CC2D2A: variants seen among roughly 807,000 people sequenced by gnomAD.
The protein encoded by CC2D2A is coiled-coil and C2 domain-containing protein 2A.
In CC2D2A, 155 loss-of-function variants were observed where a neutral mutation model predicts 212.9. That is an observed-to-expected ratio of 0.73 (90% CI 0.64 to 0.83). CC2D2A has a LOEUF of 0.83. Ranked by LOEUF, CC2D2A falls within the 40% of genes least tolerant of loss-of-function variation. The pLI is 0.00. For synonymous variants in CC2D2A, 667 were observed against 686.5 expected (o/e 0.97, Z 0.44); for missense variants, 1,856 against 1,956.2 (o/e 0.95, Z 0.97).
intron 4 of CC2D2A, among the ~76,000 whole-genome samples, chr4:15,484,275 A>T (rs1248059155): frequency 6.6e-6 from 1 of 152,232 alleles, no homozygotes; most frequent in African/African-American, 2.4e-5. Context: ...TGCTTGCGAC[A>T]TTAAGCAACA....
chr4:15,569,225 G>C, intron 26 of CC2D2A, 68 bp from the exon 27 acceptor site: 1 of 835,422 alleles, frequency 1.2e-6, no homozygotes, highest in Non-Finnish European at 2.0e-6. Flanking sequence ...TTCAAATGCT[G>C]ACATTTGAAT....
chr4:15,501,972 A>G (rs1167316721), intron 4 of CC2D2A, among the ~76,000 whole-genome samples: 1 of 152,186 alleles, frequency 6.6e-6, no homozygotes, highest in Non-Finnish European at 1.5e-5. Context: ...TGTTTCTCTG[A>G]TCAAAGATAT....
At chr4:15,506,556 A>G (rs896942691) in intron 6 of CC2D2A, among the ~76,000 whole-genome samples, 1 of 152,118 alleles carries the variant, frequency 6.6e-6, no homozygotes, top group African/African-American at 2.4e-5. Flanking sequence ...TACACAGCCA[A>G]GTTTCTCTCT....
Position 15,540,788 on chromosome 4 carries a change from T to A in CC2D2A, c.2004-49T>A, listed in dbSNP as rs146606892. 3.6e-4 allele frequency: 532 copies of A among 1,498,522 alleles called. 1 individual carries two copies. In the African/African-American group the frequency reaches 6.1e-3, roughly 17 times the overall value. 92.8% of individuals were successfully genotyped at this position (1,498,522 alleles called of 1,614,324 possible). Reference sequence around the variant, plus strand: ...TCTTATTTATCATATATTTTGGTGATCTTAGTAAATTATTACTAACTCCAC... The same window carrying A: ...TCTTATTTATCATATATTTTGGTGAACTTAGTAAATTATTACTAACTCCAC... On this transcript the variant is annotated intron_variant, in intron 16 of 36. Transcript: ENST00000424120.
intron 26 of CC2D2A, among the ~76,000 whole-genome samples, chr4:15,568,510 C>T (rs574277833): frequency 1.6e-4 from 24 of 152,182 alleles, no homozygotes; most frequent in African/African-American, 5.8e-4. Flanking sequence ...ATTACTTGAA[C>T]CCGGGAGGTG....
At chr4:15,572,354 T>C (rs1399931295) in intron 28 of CC2D2A, among the ~76,000 whole-genome samples, 1 of 152,160 alleles carries the variant, frequency 6.6e-6, no homozygotes, top group African/African-American at 2.4e-5. Context: ...GCCTGGGAAA[T>C]GAGGTTGGTA....
chr4:15,582,437 TAAAC>T (rs1162806330), intron 30 of CC2D2A, among the ~76,000 whole-genome samples: 4 of 151,444 alleles, frequency 2.6e-5, no homozygotes, highest in Non-Finnish European at 5.9e-5. Context: ...TTAGAAAAGA[TAAAC>T]AAAATCAACA....
chr4:15,489,293 C>T (rs929925974), intron 4 of CC2D2A, among the ~76,000 whole-genome samples: 1 of 152,086 alleles, frequency 6.6e-6, no homozygotes, highest in Non-Finnish European at 1.5e-5. Flanking sequence ...TTATAAAGCA[C>T]AGCATGAGAC....
chr4:15,529,255 G>A (rs1717682354), intron 13 of CC2D2A, among the ~76,000 whole-genome samples: 1 of 152,082 alleles, frequency 6.6e-6, no homozygotes, highest in South Asian at 2.1e-4. Flanking sequence ...AGTAGTATGT[G>A]CATGTAGTCC....
intron 30 of CC2D2A, among the ~76,000 whole-genome samples, chr4:15,582,813 AAAG>A (rs1236322905): frequency 6.6e-6 from 1 of 152,152 alleles, no homozygotes; most frequent in Non-Finnish European, 1.5e-5. Context: ...AAAAAAAATT[AAAG>A]AAGAGGGAAC....
chr4:15,559,840 G>T (rs1719482307), intron 22 of CC2D2A, among the ~76,000 whole-genome samples: 1 of 151,708 alleles, frequency 6.6e-6, no homozygotes, highest in Non-Finnish European at 1.5e-5. Context: ...TTATATATTT[G>T]AGACAGGGGG....
chr4:15,577,524 A>C (rs1301400743), intron 29 of CC2D2A, among the ~76,000 whole-genome samples: 1 of 152,086 alleles, frequency 6.6e-6, no homozygotes, highest in Non-Finnish European at 1.5e-5. Context: ...ACTAATCCTT[A>C]AATTCCTGTT....
chr4:15,533,274 G>A lies in CC2D2A; in HGVS notation c.1548G>A (p.Met516Ile). The change falls in exon 14 of 37, where the codon ATG becomes ATA. Residue 516 changes from methionine (M) to isoleucine (I), a missense_variant. Around this residue, in one of 5 missense-constraint regions of CC2D2A, gnomAD observed 1,512 missense variants for 1,579.3 expected, o/e 0.96. Transcript: ENST00000424120. The part of the protein sequence containing the change: ...LKTIIKVWKE[M>I]KSLREFQRFT... The stretch of plus-strand genomic sequence containing the variant: ...CTATCATAAAAGTTTGGAAAGAGAT[G>A]AAATCCCTTCGAGAGTTCCAGAGAT... 2 of 1,600,202 alleles carry A rather than the reference G, an allele frequency of 1.2e-6. No individual in the cohort carries two copies. The highest frequency in any genetic ancestry group is 8.5e-7 in the Non-Finnish European group (1 of 1,174,622).
chr4:15,538,484 C>A (rs1718257197), intron 16 of CC2D2A, among the ~76,000 whole-genome samples: 1 of 152,242 alleles, frequency 6.6e-6, no homozygotes. Flanking sequence ...TATCTGTAAC[C>A]TCAATGAGTC....
rs1366543476 is a variant in CC2D2A, at chr4:15,563,419, G to T, written c.3079G>T (p.Gly1027Cys). The T allele has an allele frequency of 2.5e-6, 4 of 1,610,062 alleles. No homozygotes were observed. Among genetic ancestry groups the T allele is most frequent in the Non-Finnish European group, 3.4e-6 (4 of 1,178,160 alleles). ...GCGACCACTGCGGCCAAGGAGAAAA[G>T]GTCGGAAGAAGGTGACAGCCCAAAA... The part of the protein sequence containing the change: ...QKRPLRPRRK[G>C]RKKVTAQNLS... The change falls in exon 24 of 37, where the codon GGT (glycine) becomes TGT (cysteine). Residue 1027 changes from glycine (G) to cysteine (C), a missense_variant. Around this residue, in one of 5 missense-constraint regions of CC2D2A, gnomAD observed 1,512 missense variants for 1,579.3 expected, o/e 0.96. Transcript: ENST00000424120.
chr4:15,478,316 C>T (rs1172405038), intron 2 of CC2D2A, among the ~76,000 whole-genome samples: 1 of 152,190 alleles, frequency 6.6e-6, no homozygotes, highest in African/African-American at 2.4e-5. Flanking sequence ...GGTGAAATCC[C>T]TAATATGATT....
At chr4:15,487,104 A>T (rs993271887) in intron 4 of CC2D2A, among the ~76,000 whole-genome samples, 2 of 152,128 alleles carry the variant, frequency 1.3e-5, no homozygotes, top group Non-Finnish European at 2.9e-5. Context: ...GCTGAAGAGA[A>T]AAATGTGTAT....
Position 15,588,005 on chromosome 4 carries a change from G to A in CC2D2A, c.4179+76G>A. The A allele has an allele frequency of 3.9e-6, 3 of 768,244 alleles. No individual in the cohort carries two copies. In the East Asian group the frequency reaches 7.9e-5, roughly 20 times the overall value. 47.6% of individuals were successfully genotyped at this position (768,244 alleles called of 1,614,324 possible). The stretch of plus-strand genomic sequence containing the variant: ...GTTGTGTGTTCCAGATCACACACAG[G>A]ACATATTTTCATAACGATCCTTTGG... On this transcript the variant is annotated intron_variant, in intron 32 of 36. Coordinates refer to ENST00000424120, the MANE Select transcript of CC2D2A (RefSeq NM_001378615.1).
chr4:15,567,428 T>G lies in CC2D2A; in HGVS notation c.3234T>G (p.Ala1078=). Residue 1078 remains alanine, a synonymous_variant, in exon 25 of 37, where the codon GCT becomes GCG. Coordinates refer to ENST00000424120, the MANE Select transcript of CC2D2A (RefSeq NM_001378615.1). ...CAAGGATGTTCAGTGAAAAGCATGC[T>G]GCTTCCCCAAGCACGTACAGCCCAA... The part of the protein sequence containing the change: ...RSSRMFSEKH[A]ASPSTYSPTH... 6.2e-7 allele frequency: 1 copy of G among 1,613,660 alleles called. No homozygotes were observed. The highest frequency in any genetic ancestry group is 8.5e-7 in the Non-Finnish European group (1 of 1,179,730).
Sources: gnomAD v4.1 joint callset for allele counts (sites outside exome capture counted in the v4.1 genomes callset) on GRCh38, gnomAD v4.1.1 for gene constraint, gnomAD v4.1.1 regional missense constraint, MANE v1.5 for transcripts, NCBI Gene and HGNC (gene_info 2026-07-23, HGNC 2026-07-21) for gene names.